The following CRB1 variants were observed in gnomAD, a reference collection of about 807,000 sequenced individuals.
CRB1 encodes the protein crumbs cell polarity complex component 1.
In CRB1, 83 loss-of-function variants were observed where a neutral mutation model predicts 120.0. The ratio of observed to expected loss-of-function variants is 0.69; its 90% CI spans 0.58 to 0.83. The LOEUF is 0.83. CRB1 is among the 40% of genes least tolerant of loss of function. The pLI is 0.00. For missense variants in CRB1, 1,699 were observed against 1,687.6 expected (o/e 1.01, Z -0.12); for synonymous variants, 625 against 612.5 (o/e 1.02, Z -0.30).
At chr1:197,243,353 G>T in the CRB1 span, among the ~76,000 whole-genome samples, 8 of 152,068 alleles carry the variant, frequency 5.3e-5, no homozygotes, top group Admixed American at 5.2e-4. Flanking sequence ...CTTTAGCATT[G>T]TCCCAGAGAT....
At chr1:197,243,383 G>T in the CRB1 span, among the ~76,000 whole-genome samples, 7 of 152,062 alleles carry the variant, frequency 4.6e-5, no homozygotes, top group Admixed American at 1.3e-4. Context: ...TTGTGTGTTT[G>T]TTCTCATTGG....
intron 1 of CRB1, among the ~76,000 whole-genome samples, chr1:197,312,693 G>T (rs1198567451): frequency 6.6e-6 from 1 of 151,960 alleles, no homozygotes; most frequent in Non-Finnish European, 1.5e-5. Context: ...AAATAAAAGA[G>T]AGCACTTTTA....
At chr1:197,392,774 T>C (rs1038960035) in intron 5 of CRB1, among the ~76,000 whole-genome samples, 2 of 152,130 alleles carry the variant, frequency 1.3e-5, no homozygotes, top group African/African-American at 4.8e-5. Flanking sequence ...TATGCAAAGT[T>C]CACCAGATCT....
chr1:197,371,771 G>A (rs1283344239), intron 5 of CRB1, among the ~76,000 whole-genome samples: 4 of 152,146 alleles, frequency 2.6e-5, no homozygotes, highest in Admixed American at 2.6e-4. Context: ...CGCAACTGAT[G>A]AACATCAAGT....
At chr1:197,418,740 CA>C (rs1467242106) in intron 5 of CRB1, among the ~76,000 whole-genome samples, 1 of 152,014 alleles carries the variant, frequency 6.6e-6, no homozygotes, top group African/African-American at 2.4e-5. Flanking sequence ...TCATTCATTC[CA>C]AAATTAATTA....
intron 5 of CRB1, among the ~76,000 whole-genome samples, chr1:197,414,515 A>T (rs1158303313): frequency 6.6e-6 from 1 of 152,134 alleles, no homozygotes; most frequent in Admixed American, 6.5e-5. Context: ...CAGTATTATT[A>T]TGGAATCAGA....
chr1:197,327,099 A>ACAAACAAAC (rs1347355534), intron 1 of CRB1, among the ~76,000 whole-genome samples: 7 of 76,958 alleles, frequency 9.1e-5, no homozygotes, highest in Non-Finnish European at 1.7e-4. Context: ...ACCAAAAAAA[A>ACAAACAAAC]AAAAAAAAAA....
chr1:197,337,551 A>T (rs944444718), intron 2 of CRB1, among the ~76,000 whole-genome samples: 2 of 152,204 alleles, frequency 1.3e-5, no homozygotes, highest in Non-Finnish European at 2.9e-5. Context: ...GTTTTTCCAT[A>T]GACTATTTAG....
chr1:197,385,139 T>A (rs1662146363), intron 5 of CRB1, among the ~76,000 whole-genome samples: 1 of 152,152 alleles, frequency 6.6e-6, no homozygotes, highest in South Asian at 2.1e-4. Context: ...TACTGCAAAC[T>A]ACCCTCCCCC....
chr1:197,334,444 A>G (rs1431499183), intron 2 of CRB1, among the ~76,000 whole-genome samples: 3 of 152,150 alleles, frequency 2.0e-5, no homozygotes, highest in Non-Finnish European at 2.9e-5. Flanking sequence ...GGCCATGAGG[A>G]TGGAACCTTC....
intron 11 of CRB1, chr1:197,442,636 A>T: frequency 5.3e-6 from 5 of 945,052 alleles, no homozygotes; most frequent in Non-Finnish European, 7.4e-6. Flanking sequence ...TCTTAATATA[A>T]CTAGAAATAT....
intron 5 of CRB1, among the ~76,000 whole-genome samples, chr1:197,405,984 C>G (rs1663367382): frequency 6.6e-6 from 1 of 150,650 alleles, no homozygotes; most frequent in African/African-American, 2.4e-5. Context: ...GCCAGCCGCC[C>G]CGTCCGGGAG....
chr1:197,254,376 A>C, the CRB1 span, among the ~76,000 whole-genome samples: 2 of 152,260 alleles, frequency 1.3e-5, no homozygotes, highest in Non-Finnish European at 2.9e-5. Context: ...TAAAGGTTTC[A>C]GTCCACAAAG....
chr1:197,275,949 A>G (rs1372708021), intron 1 of CRB1, among the ~76,000 whole-genome samples: 1 of 151,882 alleles, frequency 6.6e-6, no homozygotes, highest in Non-Finnish European at 1.5e-5. Context: ...TTCTGAAAGG[A>G]AGAAGGTACT....
At chr1:197,270,566 A>C (rs1041445319) in intron 1 of CRB1, among the ~76,000 whole-genome samples, 4 of 152,214 alleles carry the variant, frequency 2.6e-5, no homozygotes, top group South Asian at 2.1e-4. Flanking sequence ...ATATAAACAT[A>C]TCTCTCTCTT....
intron 5 of CRB1, among the ~76,000 whole-genome samples, chr1:197,409,912 T>C (rs1202117935): frequency 1.3e-5 from 2 of 152,138 alleles, no homozygotes; most frequent in East Asian, 3.9e-4. Context: ...GCCTCCTCAG[T>C]AGCTGGGATT....
intron 1 of CRB1, among the ~76,000 whole-genome samples, chr1:197,294,373 C>T (rs1312856100): frequency 6.6e-6 from 1 of 152,160 alleles, no homozygotes; most frequent in Non-Finnish European, 1.5e-5. Flanking sequence ...GAGATACCAT[C>T]TCACACCAGT....
intron 1 of CRB1, among the ~76,000 whole-genome samples, chr1:197,304,085 C>G (rs1296213940): frequency 6.6e-6 from 1 of 152,084 alleles, no homozygotes; most frequent in Non-Finnish European, 1.5e-5. Context: ...CTTCAGTATG[C>G]CTTTACTAAA....
At chr1:197,250,916 A>C in the CRB1 span, among the ~76,000 whole-genome samples, 1 of 152,062 alleles carries the variant, frequency 6.6e-6, no homozygotes, top group Non-Finnish European at 1.5e-5. Context: ...ATCTGCAAAA[A>C]GGTTTTAAAA....
Sources: allele counts gnomAD v4.1 joint callset (sites outside exome capture counted in the v4.1 genomes callset), GRCh38; gene constraint gnomAD v4.1.1; transcripts MANE v1.5; gene names NCBI Gene and HGNC (gene_info 2026-07-23, HGNC 2026-07-21).